Variants in MYO18B observed in about 807,000 individuals in gnomAD.
MYO18B encodes unconventional myosin-XVIIIb.
In MYO18B, 204 loss-of-function variants were observed where a neutral mutation model predicts 273.0. The observed-to-expected ratio is 0.75, with a 90% CI of 0.67 to 0.84. The LOEUF (loss-of-function observed/expected upper bound fraction) is 0.84. Ranked by LOEUF, MYO18B falls within the 40% of genes least tolerant of loss-of-function variation. MYO18B has a pLI of 0.00. For synonymous variants in MYO18B, 1,330 were observed against 1,305.7 expected (o/e 1.02, Z -0.40); for missense variants, 3,212 against 3,287.6 (o/e 0.98, Z 0.56).
At chr22:25,767,706 G>A (rs893385742) in intron 3 of MYO18B, among the ~76,000 whole-genome samples, 6 of 152,172 alleles carry the variant, frequency 3.9e-5, no homozygotes, top group African/African-American at 1.4e-4. Flanking sequence ...CTGTTGTTGA[G>A]GACACACTAT....
At chr22:25,985,668 C>T (rs1053599048) in intron 39 of MYO18B, among the ~76,000 whole-genome samples, 2 of 103,732 alleles carry the variant, frequency 1.9e-5, no homozygotes, top group African/African-American at 6.7e-5. Context: ...CTCGCTCTGT[C>T]ACCTAGGCTG....
chr22:25,770,590 G>A (rs1400990419), intron 5 of MYO18B, among the ~76,000 whole-genome samples: 1 of 152,180 alleles, frequency 6.6e-6, no homozygotes, highest in African/African-American at 2.4e-5. Flanking sequence ...GTCTGTGTGT[G>A]AGATAGGCCA....
intron 12 of MYO18B, among the ~76,000 whole-genome samples, chr22:25,811,212 GTGGTTTCACCA>G (rs1294694593): frequency 6.0e-5 from 9 of 149,678 alleles, no homozygotes; most frequent in African/African-American, 2.2e-4. Flanking sequence ...TAGTAGAGAT[GTGGTTTCACCA>G]TGTTGGTCAG....
rs1349408276 is a variant in MYO18B, at chr22:25,770,962, T to A, written c.1670T>A (p.Val557Glu). The change falls in exon 6 of 44, where the codon GTG (valine) becomes GAG (glutamate). Residue 557 changes from valine (V) to glutamate (E), a missense_variant. By Grantham distance (121) the Val-to-Glu change is moderately radical (BLOSUM62 -2). Coordinates refer to ENST00000335473, the MANE Select transcript of MYO18B (RefSeq NM_032608.7). ...WIDADKTITE[V>E]DEEHVHRANP... ...GATGCTGACAAAACCATCACTGAGG[T>A]GGATGAGGAGCATGTCCATCGGGTG... 6.4e-7 allele frequency: 1 copy of A among 1,552,136 alleles called. No homozygotes were observed. The highest frequency in any genetic ancestry group is 2.4e-5 in the East Asian group (1 of 40,916).
intron 39 of MYO18B, chr22:25,983,430 A>G (rs1284708839): frequency 6.6e-6 from 1 of 152,234 alleles, no homozygotes; most frequent in Non-Finnish European, 1.5e-5. Context: ...AAATATGGAC[A>G]TGGAAAAGTG....
At chr22:25,866,057 A>G (rs2090876331) in intron 21 of MYO18B, among the ~76,000 whole-genome samples, 1 of 152,044 alleles carries the variant, frequency 6.6e-6, no homozygotes, top group Non-Finnish European at 1.5e-5. Context: ...GCAGTCTGGG[A>G]CTAGACTATT....
rs770393883 is a variant in MYO18B at position 26,027,525 on chromosome 22, C to T, written c.7551C>T (p.Ser2517=). The T allele has an allele frequency of 1.2e-6, 2 of 1,614,018 alleles. No individual in the cohort carries two copies. Among genetic ancestry groups the T allele is most frequent in the Non-Finnish European group, 1.7e-6 (2 of 1,179,900 alleles). The stretch of plus-strand genomic sequence containing the variant: ...CCTCATCCTCCGGCTCCATCGTGTC[C>T]TTCAAAAGTGCTGACAGCATCAAAA... ...DSSSSSGSIV[S]FKSADSIKSR... Residue 2517 remains serine, a synonymous_variant, in exon 43 of 44, where the codon TCC becomes TCT. Transcript: ENST00000335473. This position sits in a 1 kb window ranked among gnomAD's most constrained non-coding sequence, Gnocchi z 4.1.
chr22:25,973,547 A>T (rs1036467256), intron 39 of MYO18B, among the ~76,000 whole-genome samples: 9 of 152,162 alleles, frequency 5.9e-5, no homozygotes, highest in African/African-American at 2.2e-4. Context: ...ATACCCTAGG[A>T]TGGTGTTGTC....
Position 25,828,945 on chromosome 22 carries a change from T to C in MYO18B, c.2956T>C (p.Ser986Pro). Residue 986 changes from serine to proline, a missense_variant, in exon 15 of 44, where the codon TCC becomes CCC. By Grantham distance (74) the Ser-to-Pro change is moderately conservative. Coordinates refer to ENST00000335473, the MANE Select transcript of MYO18B (RefSeq NM_032608.7). The stretch of plus-strand genomic sequence containing the variant: ...GCTGTTCTACCAGCGGACCTTTGTC[T>C]CCACGCTACAGCGATATCAAGAGGT... ...QLLFYQRTFVSTLQRYQEEGV... is the reference protein window; with the variant it reads ...QLLFYQRTFVPTLQRYQEEGV... 2 of 1,613,970 alleles carry C rather than the reference T, an allele frequency of 1.2e-6. No individual in the cohort carries two copies. Among genetic ancestry groups the C allele is most frequent in the Non-Finnish European group, 1.7e-6 (2 of 1,179,890 alleles).
chr22:25,851,308 A>G (rs969048180), intron 20 of MYO18B, among the ~76,000 whole-genome samples, 162 bp from the exon 21 acceptor site: 6 of 152,206 alleles, frequency 3.9e-5, no homozygotes, highest in Non-Finnish European at 7.3e-5. Flanking sequence ...TCTTAAATTA[A>G]CAAATGGAGA....
chr22:25,827,839 A>G lies in MYO18B; in HGVS notation c.2787-937A>G, dbSNP rs143483439. ...CAAGGTTTGGGTTCTCAGAGGCCAC[A>G]TCTGTGAAATGCCGCATGGATGATC... On this transcript the variant is annotated intron_variant, in intron 14 of 43. Transcript: ENST00000335473. Among the ~76,000 whole-genome samples, 15 of 152,368 alleles carry G rather than the reference A, an allele frequency of 9.8e-5. No individual in the cohort carries two copies. In the East Asian group the frequency reaches 2.9e-3, roughly 29 times the overall value.
At chr22:26,023,496 TACCTCCTCCC>T (rs1275960544) in intron 42 of MYO18B, among the ~76,000 whole-genome samples, 16 of 102,046 alleles carry the variant, frequency 1.6e-4, no homozygotes, top group East Asian at 4.6e-4. Flanking sequence ...CCTCCTCCTC[TACCTCCTCCC>T]TCCTCCTCCC....
Position 25,946,236 on chromosome 22 carries a change from C to T in MYO18B, c.5617C>T (p.Arg1873Trp), listed in dbSNP as rs200836097. ...SMHSELENMT[R>W]NKSLVDEQLY... ...GCACAGCGAGCTGGAGAACATGACG[C>T]GGAACAAGAGCCTGGTACCTGTCCC... is the stretch of plus-strand genomic sequence containing the variant. The change falls in exon 35 of 44, where the codon CGG becomes TGG. Residue 1873 changes from arginine (R) to tryptophan (W), a missense_variant. Arg to Trp is a moderately radical substitution (Grantham distance 101). Coordinates refer to ENST00000335473, the MANE Select transcript of MYO18B (RefSeq NM_032608.7). 2.0e-4 allele frequency: 316 copies of T among 1,575,190 alleles called. No homozygotes were observed. Among genetic ancestry groups the T allele is most frequent in the African/African-American group, 6.7e-4 (49 of 72,950 alleles).
In MYO18B at chr22:26,026,508, G is replaced by A. The variant is rs767796765; in HGVS notation, c.6534G>A (p.Arg2178=). The A allele has an allele frequency of 1.9e-6, 3 of 1,613,720 alleles. No homozygotes were observed. Among genetic ancestry groups the A allele is most frequent in the Non-Finnish European group, 2.5e-6 (3 of 1,179,872 alleles). ...TQSALALSRA[R]STNVHSKTSG... ...CGGCATTGGCACTGAGCAGAGCCCG[G>A]TCCACCAATGTCCACAGCAAGACCT... The change falls in exon 43 of 44, where the codon CGG becomes CGA. Residue 2178 remains arginine, a synonymous_variant. Transcript: ENST00000335473.
intron 17 of MYO18B, among the ~76,000 whole-genome samples, chr22:25,842,451 T>A (rs918380603): frequency 3.3e-5 from 5 of 152,034 alleles, no homozygotes; most frequent in Non-Finnish European, 7.4e-5. Flanking sequence ...GGCAGGCAGA[T>A]CACTTGAGGT....
chr22:25,927,269 T>C (rs2092434755), intron 34 of MYO18B, among the ~76,000 whole-genome samples: 1 of 152,138 alleles, frequency 6.6e-6, no homozygotes, highest in South Asian at 2.1e-4. Flanking sequence ...CAAAAGCAAA[T>C]GGGAGAAATA....
At chr22:25,833,161 G>A (rs1207686034) in intron 16 of MYO18B, among the ~76,000 whole-genome samples, 164 bp downstream of exon 16, 1 of 152,214 alleles carries the variant, frequency 6.6e-6, no homozygotes, top group Admixed American at 6.5e-5. Flanking sequence ...CCCAGATTCT[G>A]TGTAAATTGT....
intron 16 of MYO18B, 133 bp from the exon 17 acceptor site, chr22:25,835,163 T>G: frequency 9.2e-7 from 1 of 1,087,758 alleles, no homozygotes; most frequent in Non-Finnish European, 1.3e-6. Flanking sequence ...GGAGCATGGT[T>G]TTGGGTAGGC....
At chr22:25,860,915 C>T in intron 21 of MYO18B, among the ~76,000 whole-genome samples, 1 of 150,814 alleles carries the variant, frequency 6.6e-6, no homozygotes, top group Non-Finnish European at 1.5e-5. Flanking sequence ...ACAGGGCAGG[C>T]TCTTGCTCTG....
Sources: gnomAD v4.1 joint callset for allele counts (sites outside exome capture counted in the v4.1 genomes callset) on GRCh38, gnomAD v4.1.1 for gene constraint, Gnocchi (gnomAD v3.1) non-coding constraint, MANE v1.5 for transcripts, NCBI Gene and HGNC (gene_info 2026-07-23, HGNC 2026-07-21) for gene names.